The following GATA6 variants were observed in gnomAD, a reference collection of about 807,000 sequenced individuals.
GATA6 encodes the protein transcription factor GATA-6.
A neutral mutation model predicts 48.1 loss-of-function variants in GATA6; 11 were observed. The observed-to-expected ratio is 0.23, with a 90% CI of 0.14 to 0.38. The LOEUF is 0.38. Ranked by LOEUF, GATA6 falls within the 10% of genes least tolerant of loss-of-function variation. The pLI is 1.00. For missense variants in GATA6, 795 were observed against 850.3 expected (o/e 0.93, Z 0.81); for synonymous variants, 419 against 396.1 (o/e 1.06, Z -0.69).
intron 6 of GATA6, among the ~76,000 whole-genome samples, chr18:22,188,699 G>C (rs1488888261): frequency 6.6e-6 from 1 of 152,164 alleles, no homozygotes; most frequent in East Asian, 1.9e-4. Flanking sequence ...TCTGTATTTT[G>C]ATAATTGATG....
intron 2 of GATA6, among the ~76,000 whole-genome samples, chr18:22,174,804 C>G (rs1471229148): frequency 2.0e-5 from 3 of 151,820 alleles, no homozygotes; most frequent in Non-Finnish European, 2.9e-5. Flanking sequence ...GAGTGCTGAA[C>G]TTGATCAACC....
chr18:22,182,719 A>C, intron 4 of GATA6, 38 bp from the exon 5 acceptor site: 8 of 1,396,316 alleles, frequency 5.7e-6, no homozygotes, highest in African/African-American at 1.4e-5. Context: ...TTTCTTCAAT[A>C]TAATATTAAA....
At chr18:22,190,385 C>T (rs866237473) in intron 6 of GATA6, among the ~76,000 whole-genome samples, 10 of 152,186 alleles carry the variant, frequency 6.6e-5, no homozygotes, top group East Asian at 5.8e-4. Flanking sequence ...TCTAATGCTG[C>T]GATTTAAATC....
chr18:22,189,839 G>C (rs1301226974), intron 6 of GATA6, among the ~76,000 whole-genome samples: 1 of 152,076 alleles, frequency 6.6e-6, no homozygotes, highest in Non-Finnish European at 1.5e-5. Context: ...GTTTCTATCA[G>C]GTACCTTTTA....
chr18:22,178,873 C>T (rs973084090), intron 3 of GATA6, among the ~76,000 whole-genome samples: 1 of 152,052 alleles, frequency 6.6e-6, no homozygotes, highest in Admixed American at 6.5e-5. Flanking sequence ...ACAATGAAAC[C>T]GATTTATTTT....
In GATA6 at chr18:22,200,481, T is replaced by C. The variant is rs2143345149; in HGVS notation, c.1621-175T>C. 8.9e-6 allele frequency: 7 copies of C among 790,370 alleles called. No homozygotes were observed. The East Asian group carries it at 1.7e-4, about 20-fold the overall frequency. 49.0% of individuals were successfully genotyped at this position (790,370 alleles called of 1,614,324 possible). A position where few individuals can be genotyped will look rare whatever the true frequency, so the allele number is the denominator to read the frequency against. The stretch of plus-strand genomic sequence containing the variant: ...TGCAATGCAGGGAAAGGCCCCCACT[T>C]GCTGGGGGCAGGGGATAGTAACGCC... On this transcript the variant is annotated intron_variant, in intron 6 of 6. Transcript: ENST00000269216.
intron 6 of GATA6, 72 bp from the exon 7 acceptor site, chr18:22,200,584 T>C: frequency 6.3e-7 from 1 of 1,582,244 alleles, no homozygotes; most frequent in African/African-American, 1.3e-5. Flanking sequence ...TTAGCTCCCA[T>C]GTATTTCACT....
In GATA6 at chr18:22,172,023, G is replaced by C. The variant is rs1311556193; in HGVS notation, c.879G>C (p.Val293=). ...CGGGCAGTGGGGGCGCGGGAGGCGT[G>C]AGCGGCGGCGGCAGTAGCCTGGCGG... ...AAAGSGGAGG[V]SGGGSSLAAM... Residue 293 remains valine (V), a synonymous_variant, in exon 2 of 7, where the codon GTG becomes GTC. Transcript: ENST00000269216. The surrounding 1 kb of genome is among the most constrained non-coding windows in gnomAD (Gnocchi z 5.2). 5 of 1,248,432 alleles carry C rather than the reference G, an allele frequency of 4.0e-6. No homozygotes were observed. In the African/African-American group the frequency reaches 6.2e-5, roughly 16 times the overall value. 77.3% of individuals were successfully genotyped at this position (1,248,432 alleles called of 1,614,324 possible).
At position 22,171,258 on chromosome 18, in the gene GATA6, C is replaced by G; in HGVS notation, c.114C>G (p.Pro38=). The change falls in exon 2 of 7, where the codon CCC becomes CCG. Residue 38 remains proline (P), a synonymous_variant. Transcript: ENST00000269216. The surrounding 1 kb of genome is among the most constrained non-coding windows in gnomAD (Gnocchi z 7.1). ...PAREPSTPPS[P]ISSSSSSCSR... ...GGGAGCCCTCCACGCCGCCTTCCCC[C>G]ATCTCTTCCTCGTCCTCCTCCTGCT... 1 of 1,598,324 alleles carries G rather than the reference C, an allele frequency of 6.3e-7. No individual in the cohort carries two copies. The highest frequency in any genetic ancestry group is 8.5e-7 in the Non-Finnish European group (1 of 1,178,852).
intron 6 of GATA6, among the ~76,000 whole-genome samples, chr18:22,199,273 A>T (rs1282575946): frequency 1.3e-5 from 2 of 152,152 alleles, no homozygotes; most frequent in African/African-American, 2.4e-5. Flanking sequence ...ATTTAATGGG[A>T]TTATGTATGT....
intron 6 of GATA6, among the ~76,000 whole-genome samples, chr18:22,198,984 C>T (rs2033423707): frequency 6.6e-6 from 1 of 152,102 alleles, no homozygotes; most frequent in East Asian, 1.9e-4. Context: ...CATAAAACCT[C>T]ATTTCTGCTG....
chr18:22,193,604 C>G (rs1296527300), intron 6 of GATA6, among the ~76,000 whole-genome samples: 1 of 152,184 alleles, frequency 6.6e-6, no homozygotes, highest in African/African-American at 2.4e-5. Context: ...AAGGACGGAT[C>G]AGAGGCTGGG....
chr18:22,177,575 C>A (rs1228666551), intron 3 of GATA6, among the ~76,000 whole-genome samples: 1 of 152,148 alleles, frequency 6.6e-6, no homozygotes, highest in Non-Finnish European at 1.5e-5. Flanking sequence ...AGTAGACCTA[C>A]CGAGGCCGGG....
chr18:22,188,738 C>G (rs1219475621), intron 6 of GATA6, among the ~76,000 whole-genome samples: 4 of 152,090 alleles, frequency 2.6e-5, no homozygotes, highest in African/African-American at 9.7e-5. Context: ...TCCTGCTTGT[C>G]AAGTTTACAA....
chr18:22,188,918 T>C (rs369498090), intron 6 of GATA6, among the ~76,000 whole-genome samples: 8 of 152,102 alleles, frequency 5.3e-5, no homozygotes, highest in African/African-American at 1.9e-4. Flanking sequence ...TTAGACATGG[T>C]GTATTAGGGA....
In GATA6 at chr18:22,171,981, G is replaced by A. The variant is rs1350572697; in HGVS notation, c.837G>A (p.Pro279=). Residue 279 remains proline, a synonymous_variant, in exon 2 of 7, where the codon CCG becomes CCA. Coordinates refer to ENST00000269216, the MANE Select transcript of GATA6 (RefSeq NM_005257.6). The surrounding 1 kb of genome is among the most constrained non-coding windows in gnomAD (Gnocchi z 7.1). ...TGGCCAACGGCGCCGCGCGGGAGCCGGGAGGCTACGCGGCGGCGGGCAGTG... is the reference window on the plus strand; with the variant it reads ...TGGCCAACGGCGCCGCGCGGGAGCCAGGAGGCTACGCGGCGGCGGGCAGTG... The part of the protein sequence containing the change: ...PPMANGAARE[P]GGYAAAGSGG... 3 of 1,219,890 alleles carry A rather than the reference G, an allele frequency of 2.5e-6. No homozygotes were observed. The highest frequency in any genetic ancestry group is 3.1e-6 in the Non-Finnish European group (3 of 981,468). The allele number at this position is 1,219,890 out of a possible 1,614,324, so 75.6% of individuals were successfully genotyped here. A position where few individuals can be genotyped will look rare whatever the true frequency, so the allele number is the denominator to read the frequency against.
chr18:22,171,935 C>G lies in GATA6; in HGVS notation c.791C>G (p.Pro264Arg), dbSNP rs568069587. The stretch of plus-strand genomic sequence containing the variant: ...GCGGCGCACGTCTCGGCGCGCTTCC[C>G]CTACTCTCCCAGCCCGCCCATGGCC... Reference protein sequence around the residue: ...SAAAHVSARFPYSPSPPMANG... With the variant: ...SAAAHVSARFRYSPSPPMANG... The change falls in exon 2 of 7, where the codon CCC becomes CGC. Residue 264 changes from proline to arginine, a missense_variant. Pro to Arg is a moderately radical substitution (Grantham distance 103, BLOSUM62 -2). Around this residue, in one of 5 missense-constraint regions of GATA6, gnomAD observed 591 missense variants for 570.0 expected, o/e 1.04. Transcript: ENST00000269216. The surrounding 1 kb of genome is among the most constrained non-coding windows in gnomAD (Gnocchi z 7.1). 8.4e-7 allele frequency: 1 copy of G among 1,189,918 alleles called. No homozygotes were observed. The highest frequency in any genetic ancestry group is 3.6e-5 in the East Asian group (1 of 27,680). The allele number at this position is 1,189,918 out of a possible 1,614,324, so 73.7% of individuals were successfully genotyped here.
At chr18:22,198,524 AG>A (rs2033419241) in intron 6 of GATA6, among the ~76,000 whole-genome samples, 1 of 152,236 alleles carries the variant, frequency 6.6e-6, no homozygotes, top group African/African-American at 2.4e-5. Flanking sequence ...AGTCAGATTT[AG>A]TCAGAGGCAT....
At chr18:22,177,576 C>A (rs1453370989) in intron 3 of GATA6, among the ~76,000 whole-genome samples, 2 of 152,106 alleles carry the variant, frequency 1.3e-5, no homozygotes, top group East Asian at 1.9e-4. Context: ...GTAGACCTAC[C>A]GAGGCCGGGC....
Sources: allele counts gnomAD v4.1 joint callset (sites outside exome capture counted in the v4.1 genomes callset), GRCh38; gene constraint gnomAD v4.1.1; regional missense constraint gnomAD v4.1.1; non-coding constraint Gnocchi (gnomAD v3.1); transcripts MANE v1.5; gene names NCBI Gene and HGNC (gene_info 2026-07-23, HGNC 2026-07-21).